The following ALDH8A1 variants were observed in gnomAD, a reference collection of about 807,000 sequenced individuals.
ALDH8A1 encodes aldehyde dehydrogenase 8 family member A1.
Under a neutral mutation model 43.3 loss-of-function variants are expected in ALDH8A1, and 39 were observed. That is an observed-to-expected ratio of 0.90 (90% confidence interval 0.70 to 1.18). The LOEUF (loss-of-function observed/expected upper bound fraction) is 1.18, where lower values mean the gene tolerates loss of function less well. Among genes scored for constraint, ALDH8A1 ranks in the 50% most tolerant of loss-of-function variants. The pLI, the probability that ALDH8A1 is intolerant of heterozygous loss-of-function variation, is 0.00. For synonymous variants in ALDH8A1, 233 were observed against 243.5 expected (o/e 0.96, Z 0.40); for missense variants, 605 against 622.6 (o/e 0.97, Z 0.30).
Position 134,939,317 on chromosome 6 carries a change from C to T in ALDH8A1, c.541G>A (p.Glu181Lys). The change falls in exon 4 of 7, where the codon GAG becomes AAG. Residue 181 changes from glutamate to lysine, a missense_variant. Transcript: ENST00000265605. The stretch of plus-strand genomic sequence containing the variant: ...ATCCACGCAGTCACTGAAGTCAGCT[C>T]ACTGGGCTTGGCTATCACAGTGTTC... ...AGNTVIAKPS[E>K]LTSVTAWMLC... The T allele has an allele frequency of 6.2e-7, 1 of 1,614,230 alleles. No homozygotes were observed. Among genetic ancestry groups the T allele is most frequent in the South Asian group, 1.1e-5 (1 of 91,090 alleles).
chr6:134,939,762 C>G (rs1416546687), intron 3 of ALDH8A1, among the ~76,000 whole-genome samples: 2 of 152,158 alleles, frequency 1.3e-5, no homozygotes, highest in African/African-American at 4.8e-5. Context: ...TACATGCACG[C>G]GTATGTTCAT....
chr6:134,946,106 C>G (rs13207410), intron 1 of ALDH8A1, among the ~76,000 whole-genome samples: 5,829 of 152,240 alleles, frequency 0.038, 173 homozygotes, highest in Non-Finnish European at 0.061. Context: ...AATAAATTAC[C>G]CAGTCTCAGG....
chr6:134,934,837 T>C (rs1021362580), intron 4 of ALDH8A1, among the ~76,000 whole-genome samples: 2 of 152,200 alleles, frequency 1.3e-5, no homozygotes, highest in African/African-American at 4.8e-5. Context: ...CATAAATGCA[T>C]GAAGATACAG....
intron 6 of ALDH8A1, 116 bp downstream of exon 6, chr6:134,928,938 T>C: frequency 2.6e-6 from 3 of 1,153,202 alleles, no homozygotes; most frequent in Non-Finnish European, 3.6e-6. Context: ...GTTATAATTT[T>C]TCAAAAATGG....
In ALDH8A1 at chr6:134,932,765, C is replaced by A. The variant is rs751879096; in HGVS notation, c.849+11G>T. On this transcript the variant is annotated intron_variant, in intron 5 of 6. Transcript: ENST00000265605. ...CATGGAGGGGAGGGAGAAGAACCCC[C>A]GGGGACATACCTGGTTGGCAAAGCT... 3 of 1,612,606 alleles carry A rather than the reference C, an allele frequency of 1.9e-6. No individual in the cohort carries two copies. The East Asian group carries it at 6.7e-5, about 36-fold the overall frequency.
intron 5 of ALDH8A1, among the ~76,000 whole-genome samples, chr6:134,929,709 A>G (rs577056884): frequency 1.3e-5 from 2 of 152,312 alleles, no homozygotes; most frequent in South Asian, 4.1e-4. Flanking sequence ...AGAGGAGGCA[A>G]GGACAGGAGG....
At chr6:134,948,874 G>A (rs1260382813) in intron 1 of ALDH8A1, among the ~76,000 whole-genome samples, 1 of 152,186 alleles carries the variant, frequency 6.6e-6, no homozygotes, top group Non-Finnish European at 1.5e-5. Context: ...TGGCAAACAA[G>A]GAAGAGTGGA....
chr6:134,926,388 A>T lies in ALDH8A1; in HGVS notation c.1011+2666T>A, dbSNP rs545215605. Among the ~76,000 whole-genome samples, 220 of 151,964 alleles carry T rather than the reference A, an allele frequency of 1.4e-3. 1 individual carries two copies. Among genetic ancestry groups the T allele is most frequent in the African/African-American group, 5.2e-3 (214 of 41,510 alleles). On this transcript the variant is annotated intron_variant, in intron 6 of 6. Transcript: ENST00000265605. The stretch of plus-strand genomic sequence containing the variant: ...GCTAATTTTTGTATTTTTAGTAGAG[A>T]CAGGGTTTCACCATGTTGGCCAGGC...
chr6:134,931,004 C>T (rs888129790), intron 5 of ALDH8A1, among the ~76,000 whole-genome samples: 1 of 152,154 alleles, frequency 6.6e-6, no homozygotes, highest in Non-Finnish European at 1.5e-5. Context: ...TTCAAAAAAG[C>T]CAATTACATT....
intron 3 of ALDH8A1, 81 bp downstream of exon 3, chr6:134,942,328 T>C (rs561875232): frequency 1.4e-6 from 2 of 1,418,628 alleles, no homozygotes; most frequent in Admixed American, 2.4e-5. Context: ...CTTTAACCTG[T>C]TCCTTGAGGA....
intron 4 of ALDH8A1, among the ~76,000 whole-genome samples, chr6:134,934,100 C>T (rs1319240428): frequency 6.6e-6 from 1 of 152,180 alleles, no homozygotes; most frequent in African/African-American, 2.4e-5. Context: ...CTGTTCTTTG[C>T]TCTCCGTTGT....
At chr6:134,949,502 G>C (rs954727372) in intron 1 of ALDH8A1, among the ~76,000 whole-genome samples, 2 of 151,936 alleles carry the variant, frequency 1.3e-5, no homozygotes, top group Non-Finnish European at 2.9e-5. Context: ...TTTTTTGCTT[G>C]TTTGTTTATT....
intron 5 of ALDH8A1, 67 bp downstream of exon 5, chr6:134,932,709 C>T (rs1777004730): frequency 2.5e-6 from 4 of 1,572,232 alleles, no homozygotes; most frequent in Non-Finnish European, 3.5e-6. Context: ...AGGCATTGCA[C>T]TGTGATAAAA....
chr6:134,946,887 T>A (rs1773962683), intron 1 of ALDH8A1, among the ~76,000 whole-genome samples: 1 of 152,078 alleles, frequency 6.6e-6, no homozygotes, highest in Non-Finnish European at 1.5e-5. Flanking sequence ...AAAATAAGGA[T>A]CATAATAGAG....
chr6:134,937,604 C>T (rs4646875), intron 4 of ALDH8A1, among the ~76,000 whole-genome samples: 85 of 152,334 alleles, frequency 5.6e-4, no homozygotes, highest in East Asian at 1.5e-3. Flanking sequence ...TCTATCCAGA[C>T]GTTCTTGGTC....
chr6:134,945,643 C>A (rs1401128858), intron 1 of ALDH8A1, among the ~76,000 whole-genome samples: 3 of 152,160 alleles, frequency 2.0e-5, no homozygotes, highest in Non-Finnish European at 4.4e-5. Flanking sequence ...ATAATCACAG[C>A]TGTCTTCCAC....
rs1394469184 is a variant in ALDH8A1 at position 134,950,095 on chromosome 6, T to C, written c.-42A>G. 3 of 1,563,092 alleles carry C rather than the reference T, an allele frequency of 1.9e-6. No homozygotes were observed. In the East Asian group the frequency reaches 6.9e-5, roughly 36 times the overall value. On this transcript the variant is annotated 5_prime_UTR_variant, in exon 1 of 7. Transcript: ENST00000265605. ...GCCTTTCCTCTTTACGACTGAGCAC[T>C]CAGGTTGTCCCCACCACTGTCTGGA...
At chr6:134,934,304 T>G (rs1166812772) in intron 4 of ALDH8A1, among the ~76,000 whole-genome samples, 1 of 152,152 alleles carries the variant, frequency 6.6e-6, no homozygotes, top group South Asian at 2.1e-4. Flanking sequence ...TTAACCAGAA[T>G]TCTTTCCTCA....
chr6:134,925,562 C>T (rs563573351), intron 6 of ALDH8A1, among the ~76,000 whole-genome samples: 1 of 152,168 alleles, frequency 6.6e-6, no homozygotes, highest in Non-Finnish European at 1.5e-5. Context: ...AACTGGAACA[C>T]ATCATGTGGT....
Sources: gnomAD v4.1 joint callset for allele counts (sites outside exome capture counted in the v4.1 genomes callset) on GRCh38, gnomAD v4.1.1 for gene constraint, MANE v1.5 for transcripts, NCBI Gene and HGNC (gene_info 2026-07-23, HGNC 2026-07-21) for gene names.